CCDC7: variants seen among roughly 807,000 people sequenced by gnomAD.
CCDC7 encodes coiled-coil domain-containing protein 7.
Under a neutral mutation model 196.9 loss-of-function variants are expected in CCDC7, and 183 were observed. The ratio of observed to expected loss-of-function variants is 0.93; its 90% CI spans 0.82 to 1.05. The LOEUF is 1.05. Ranked by LOEUF, CCDC7 falls within the 50% of genes least tolerant of loss-of-function variation. CCDC7 has a pLI of 0.00. For missense variants in CCDC7, 1,540 were observed against 1,482.2 expected, an observed-to-expected ratio of 1.04 and a Z score of -0.64; for synonymous variants, 525 against 484.6, an observed-to-expected ratio of 1.08 and a Z score of -1.10.
rs928524770 is a variant in CCDC7 at position 32,651,017 on chromosome 10, CAGAG to C, written c.2015-13036_2015-13033del. ...TCTCCTTGGTGGGTTCAGAGCCTCT[CAGAG>C]GGAGACAGGTAGCCCTGGGAGTGGA... On this transcript the variant is annotated intron_variant, in intron 20 of 41. Transcript: ENST00000639629. Among the ~76,000 whole-genome samples, 5 of 152,216 alleles carry C rather than the reference CAGAG, an allele frequency of 3.3e-5. No individual in the cohort carries two copies. In the East Asian group the frequency reaches 5.8e-4, roughly 18 times the overall value.
At chr10:32,460,540 G>A (rs2035406468) in intron 3 of CCDC7, among the ~76,000 whole-genome samples, 1 of 152,174 alleles carries the variant, frequency 6.6e-6, no homozygotes, top group African/African-American at 2.4e-5. Flanking sequence ...TTCCAGTGCA[G>A]GAAGGGAAGT....
At chr10:32,457,861 A>G (rs762819043) in intron 3 of CCDC7, among the ~76,000 whole-genome samples, 4 of 151,198 alleles carry the variant, frequency 2.6e-5, no homozygotes, top group Non-Finnish European at 5.9e-5. Flanking sequence ...CCATTTACCT[A>G]TTTTAAAATC....
chr10:32,591,169 C>T (rs1408875655), intron 18 of CCDC7, among the ~76,000 whole-genome samples: 1 of 151,916 alleles, frequency 6.6e-6, no homozygotes, highest in African/African-American at 2.4e-5. Flanking sequence ...TTGGACTTTG[C>T]AGCTAATAAC....
At chr10:32,846,137 G>A (rs1331265073) in intron 36 of CCDC7, among the ~76,000 whole-genome samples, 178 bp downstream of exon 37, 4 of 151,832 alleles carry the variant, frequency 2.6e-5, no homozygotes, top group Non-Finnish European at 5.9e-5. Flanking sequence ...GAGTCACCAG[G>A]GTAAGAAAAA....
At chr10:32,797,232 TGTATATATATGC>T (rs971853216) in intron 29 of CCDC7, among the ~76,000 whole-genome samples, 3 of 151,022 alleles carry the variant, frequency 2.0e-5, no homozygotes. Context: ...CATATATATG[TGTATATATATGC>T]GTATATATAT....
intron 11 of CCDC7, among the ~76,000 whole-genome samples, chr10:32,530,131 T>G (rs927006994): frequency 6.6e-6 from 1 of 152,228 alleles, no homozygotes; most frequent in Non-Finnish European, 1.5e-5. Flanking sequence ...GTGGTCTATA[T>G]GCCTGTTTTT....
intron 16 of CCDC7, 72 bp downstream of exon 17, chr10:32,571,965 A>G: frequency 7.4e-7 from 1 of 1,348,958 alleles, no homozygotes; most frequent in African/African-American, 1.5e-5. Flanking sequence ...AGCAATGAAA[A>G]TAACCATTCT....
At chr10:32,874,998 A>C (rs2094558289) in intron 41 of CCDC7, among the ~76,000 whole-genome samples, 1 of 151,922 alleles carries the variant, frequency 6.6e-6, no homozygotes, top group African/African-American at 2.4e-5. Flanking sequence ...ATCCAGTTTC[A>C]TTCTCTACAT....
chr10:32,573,972 A>G (rs2057891939), intron 16 of CCDC7, among the ~76,000 whole-genome samples: 1 of 152,212 alleles, frequency 6.6e-6, no homozygotes, highest in Non-Finnish European at 1.5e-5. Context: ...CAGACGTTGC[A>G]TTCTATAAAA....
intron 18 of CCDC7, among the ~76,000 whole-genome samples, chr10:32,598,453 A>C (rs1053496815): frequency 6.6e-6 from 1 of 152,124 alleles, no homozygotes; most frequent in Non-Finnish European, 1.5e-5. Context: ...TTGAGCTTCC[A>C]GGGTGAGGCG....
At chr10:32,750,925 AT>A (rs1214915184) in intron 28 of CCDC7, among the ~76,000 whole-genome samples, 2 of 152,164 alleles carry the variant, frequency 1.3e-5, no homozygotes, top group Non-Finnish European at 2.9e-5. Context: ...TACAACATTC[AT>A]TGTTCAGCAT....
intron 24 of CCDC7, among the ~76,000 whole-genome samples, chr10:32,698,084 CA>C (rs1437078440): frequency 6.6e-6 from 1 of 152,036 alleles, no homozygotes; most frequent in East Asian, 1.9e-4. Flanking sequence ...GGACCTCCAG[CA>C]AGCTCCAGCA....
chr10:32,620,164 C>T (rs373184182), intron 18 of CCDC7, among the ~76,000 whole-genome samples: 2 of 152,002 alleles, frequency 1.3e-5, no homozygotes, highest in South Asian at 4.1e-4. Flanking sequence ...CTCAAATGAT[C>T]CACCCGTCTT....
intron 8 of CCDC7, among the ~76,000 whole-genome samples, chr10:32,478,729 A>G (rs567319253): frequency 9.9e-5 from 15 of 152,252 alleles, no homozygotes; most frequent in African/African-American, 1.4e-4. Flanking sequence ...GGATTTTCAC[A>G]TATGTATTCA....
At chr10:32,828,539 A>AGAG (rs1352724108) in intron 32 of CCDC7, among the ~76,000 whole-genome samples, 3 of 150,640 alleles carry the variant, frequency 2.0e-5, no homozygotes, top group African/African-American at 4.9e-5. Flanking sequence ...AAGAAGAAGA[A>AGAG]GAAGAAGAAG....
chr10:32,538,337 G>A (rs2990985), intron 11 of CCDC7, among the ~76,000 whole-genome samples: 21,013 of 152,110 alleles, frequency 0.14, 1,755 homozygotes, highest in East Asian at 0.25. Flanking sequence ...TATGGACTTC[G>A]TACCCTGAAA....
In CCDC7 at chr10:32,639,912, C is replaced by T. The variant is rs374527317; in HGVS notation, c.2014+4754C>T. Among the ~76,000 whole-genome samples the T allele has an allele frequency of 1.8e-3, 271 of 152,152 alleles. 2 individuals carry two copies. The highest frequency in any genetic ancestry group is 6.1e-3 in the African/African-American group (255 of 41,542). On this transcript the variant is annotated intron_variant, in intron 20 of 41. Transcript: ENST00000639629. The stretch of plus-strand genomic sequence containing the variant: ...GATTACAAGCGTGAGCCACTGCACC[C>T]GACCAATTTCTGTTGTTTTACATTT...
intron 18 of CCDC7, among the ~76,000 whole-genome samples, chr10:32,596,894 T>A (rs924137608): frequency 4.6e-5 from 7 of 152,224 alleles, no homozygotes; most frequent in South Asian, 4.1e-4. Flanking sequence ...CCGAGACATC[T>A]GCTGTTAGTC....
chr10:32,793,723 AG>A (rs2083089246), intron 29 of CCDC7, among the ~76,000 whole-genome samples: 2 of 152,150 alleles, frequency 1.3e-5, no homozygotes. Context: ...ACAATTTCCA[AG>A]GTTTGTCATA....
Sources: gnomAD v4.1 joint callset for allele counts (sites outside exome capture counted in the v4.1 genomes callset) on GRCh38, gnomAD v4.1.1 for gene constraint, MANE v1.5 for transcripts, NCBI Gene and HGNC (gene_info 2026-07-23, HGNC 2026-07-21) for gene names.